Variants in TNPO2 observed in about 807,000 individuals in gnomAD.
TNPO2 encodes transportin-2.
In TNPO2, 16 loss-of-function variants were observed where a neutral mutation model predicts 111.1. The observed-to-expected ratio is 0.14, with a 90% CI of 0.10 to 0.22. The LOEUF (loss-of-function observed/expected upper bound fraction) is 0.22, where lower values mean the gene tolerates loss of function less well. Among genes scored for constraint, TNPO2 ranks in the 10% least tolerant of loss-of-function variants. The pLI is 1.00. For synonymous variants in TNPO2, 481 were observed against 475.8 expected, an observed-to-expected ratio of 1.01 and a Z score of -0.14; for missense variants, 530 against 1,173.7, an observed-to-expected ratio of 0.45 and a Z score of 8.01.
At chr19:12,703,391 A>G in intron 20 of TNPO2, 37 bp downstream of exon 20, 1 of 1,580,934 alleles carries the variant, frequency 6.3e-7, no homozygotes. Flanking sequence ...AGAACAGGCT[A>G]ATGGGGGGCG....
chr19:12,720,824 T>C (rs1331665750), intron 3 of TNPO2, 55 bp downstream of exon 3: 5 of 1,534,950 alleles, frequency 3.3e-6, no homozygotes, highest in Non-Finnish European at 4.4e-6. Context: ...CTCTGGCCTT[T>C]GGAAACTGCA....
Position 12,702,743 on chromosome 19 carries a change from T to C in TNPO2, c.2305+80A>G. On this transcript the variant is annotated intron_variant, in intron 21 of 25. Coordinates refer to ENST00000425528, the MANE Select transcript of TNPO2 (RefSeq NM_001382241.1). This position sits in a 1 kb window ranked among gnomAD's most constrained non-coding sequence, Gnocchi z 5.5. ...CTCCTTGGTTCCTTGACAAGGCTCT[T>C]TCTGATGCCCTTCCCAGCCCAGAAC... is the stretch of plus-strand genomic sequence containing the variant. 1 of 1,336,692 alleles carries C rather than the reference T, an allele frequency of 7.5e-7. No homozygotes were observed. The highest frequency in any genetic ancestry group is 1.1e-6 in the Non-Finnish European group (1 of 937,034). 82.8% of individuals were successfully genotyped at this position (1,336,692 alleles called of 1,614,324 possible). A position where few individuals can be genotyped will look rare whatever the true frequency, so the allele number is the denominator to read the frequency against.
chr19:12,702,392 TTTTTGTTTTG>T lies in TNPO2; in HGVS notation c.2306-225_2306-216del, dbSNP rs1201557384. On this transcript the variant is annotated intron_variant, in intron 21 of 25. Coordinates refer to ENST00000425528, the MANE Select transcript of TNPO2 (RefSeq NM_001382241.1). This position sits in a 1 kb window ranked among gnomAD's most constrained non-coding sequence, Gnocchi z 5.5. ...TTCCTTTCCCTTTCCTTTTTGTTTTTTTTTGTTTTGTTTTGTTTTTGAGATGGAGTCTTGC... is the reference window on the plus strand; with the variant it reads ...TTCCTTTCCCTTTCCTTTTTGTTTTTTTTTGTTTTTGAGATGGAGTCTTGC... The T allele has an allele frequency of 2.9e-6, 2 of 684,988 alleles. No individual in the cohort carries two copies. Among genetic ancestry groups the T allele is most frequent in the East Asian group, 2.8e-5 (1 of 36,270 alleles). 42.4% of individuals were successfully genotyped at this position (684,988 alleles called of 1,614,324 possible).
chr19:12,702,358 TTTC>T lies in TNPO2; in HGVS notation c.2306-184_2306-182del, dbSNP rs764780096. 3.8e-5 allele frequency: 26 copies of T among 693,318 alleles called. No individual in the cohort carries two copies. The highest frequency in any genetic ancestry group is 4.6e-4 in the Middle Eastern group (2 of 4,340). 42.9% of individuals were successfully genotyped at this position (693,318 alleles called of 1,614,324 possible). On this transcript the variant is annotated intron_variant, in intron 21 of 25. Transcript: ENST00000425528. This position sits in a 1 kb window ranked among gnomAD's most constrained non-coding sequence, Gnocchi z 5.5. ...CTTCCCAGGTCTCTCTGCATCTATC[TTTC>T]TTTCTTTCCTTTCCCTTTCCTTTTT...
chr19:12,701,445 G>A lies in TNPO2; in HGVS notation c.2595C>T (p.His865=), dbSNP rs749684278. The change falls in exon 25 of 26, where the codon CAC becomes CAT. Residue 865 remains histidine, a synonymous_variant. Transcript: ENST00000425528. The surrounding 1 kb of genome is among the most constrained non-coding windows in gnomAD (Gnocchi z 5.0). ...DLRDMFYKIL[H]GFKDQVGEDN... is the part of the protein sequence containing the mutation. ...CTTCCCCAACTTGGTCTTTGAAGCC[G>A]TGGAGAATCTGTGGGGAGGGTGGTG... 2.5e-5 allele frequency: 40 copies of A among 1,613,708 alleles called. No homozygotes were observed. Among genetic ancestry groups the A allele is most frequent in the African/African-American group, 2.0e-4 (15 of 74,880 alleles).
At position 12,699,233 on chromosome 19, in the gene TNPO2, T is replaced by G; in HGVS notation, c.*2031A>C. ...GAAACTGATCTTTACTCAACAAAGT[T>G]CTACACAAGTGGAATCTCACGCCAC... On this transcript the variant is annotated 3_prime_UTR_variant, in exon 26 of 26. Transcript: ENST00000425528. 2.3e-6 allele frequency: 1 copy of G among 438,400 alleles called. No homozygotes were observed. 27.2% of individuals were successfully genotyped at this position (438,400 alleles called of 1,614,324 possible). A position where few individuals can be genotyped will look rare whatever the true frequency, so the allele number is the denominator to read the frequency against.
chr19:12,707,232 C>T (rs1434291498), intron 13 of TNPO2, among the ~76,000 whole-genome samples: 6 of 152,128 alleles, frequency 3.9e-5, no homozygotes, highest in East Asian at 1.9e-4. Flanking sequence ...CTCCTGACCT[C>T]GTGATCCACC....
chr19:12,717,759 C>T lies in TNPO2; in HGVS notation c.325+1270G>A, dbSNP rs1040072158. 2.6e-5 allele frequency among the ~76,000 whole-genome samples: 4 copies of T among 152,154 alleles called. No homozygotes were observed. The East Asian group carries it at 7.7e-4, about 29-fold the overall frequency. On this transcript the variant is annotated intron_variant, in intron 5 of 25. Coordinates refer to ENST00000425528, the MANE Select transcript of TNPO2 (RefSeq NM_001382241.1). ...TGGCATTATCTTGGCTTACTGCAAC[C>T]TCTGCCTCCCGGGCTCAAGCAATTC...
At chr19:12,703,360 T>G in intron 20 of TNPO2, 68 bp downstream of exon 20, 2 of 1,461,268 alleles carry the variant, frequency 1.4e-6, no homozygotes, top group Non-Finnish European at 1.9e-6. Flanking sequence ...CAGTCAGAGC[T>G]AGGCTCCCGC....
rs754723804 is a variant in TNPO2 at position 12,706,253 on chromosome 19, G to A, written c.1611C>T (p.Ile537=). Residue 537 remains isoleucine, a synonymous_variant, in exon 15 of 26, where the codon ATC becomes ATT. Transcript: ENST00000425528. The surrounding 1 kb of genome is among the most constrained non-coding windows in gnomAD (Gnocchi z 7.0). ...CCAGGGTGCCAATGGCGTCATAGAGGATGAGCAGGTTCTTGTGCTGGTATT... is the reference window on the plus strand; with the variant it reads ...CCAGGGTGCCAATGGCGTCATAGAGAATGAGCAGGTTCTTGTGCTGGTATT... ...FGKYQHKNLL[I]LYDAIGTLAD... is the part of the protein sequence containing the mutation. The A allele has an allele frequency of 6.2e-7, 1 of 1,614,038 alleles. No homozygotes were observed. The highest frequency in any genetic ancestry group is 1.1e-5 in the South Asian group (1 of 91,088).
chr19:12,718,291 G>A (rs932728179), intron 5 of TNPO2, among the ~76,000 whole-genome samples: 1 of 151,908 alleles, frequency 6.6e-6, no homozygotes, highest in Non-Finnish European at 1.5e-5. Context: ...TCAGCCTCCC[G>A]AGTAGCTGGG....
chr19:12,703,026 C>G, intron 20 of TNPO2, 108 bp from the exon 21 acceptor site: 1 of 923,392 alleles, frequency 1.1e-6, no homozygotes, highest in Non-Finnish European at 1.7e-6. Flanking sequence ...AGAGACTGGC[C>G]AACCACTACC....
chr19:12,707,470 G>A (rs1302083764), intron 13 of TNPO2, among the ~76,000 whole-genome samples: 1 of 137,632 alleles, frequency 7.3e-6, no homozygotes, highest in Admixed American at 7.3e-5. Context: ...TAAGATGTTT[G>A]TGAGTTTTCT....
rs1435155282 is a variant in TNPO2 at position 12,706,441 on chromosome 19, G to A, written c.1497-74C>T. 1.1e-5 allele frequency: 18 copies of A among 1,590,872 alleles called. No individual in the cohort carries two copies. Among genetic ancestry groups the A allele is most frequent in the Admixed American group, 1.7e-5 (1 of 59,982 alleles). ...ACACTGGGCCATGGGCAGTTGGGGA[G>A]GGCAACTCAGGATCAGCCAGTACGA... On this transcript the variant is annotated intron_variant, in intron 14 of 25. Transcript: ENST00000425528. This position sits in a 1 kb window ranked among gnomAD's most constrained non-coding sequence, Gnocchi z 7.0.
Position 12,721,359 on chromosome 19 carries a change from C to A in TNPO2, c.-13-369G>T. 1 of 1,227,014 alleles carries A rather than the reference C, an allele frequency of 8.1e-7. No homozygotes were observed. The highest frequency in any genetic ancestry group is 1.1e-6 in the Non-Finnish European group (1 of 943,864). The allele number at this position is 1,227,014 out of a possible 1,614,324, so 76.0% of individuals were successfully genotyped here. Reference sequence around the variant, plus strand: ...CGCAGCGGCTGGGCGAGGGCCCAGCCGCCTCCACATCCAGGGGCCCCGCCC... The same window carrying A: ...CGCAGCGGCTGGGCGAGGGCCCAGCAGCCTCCACATCCAGGGGCCCCGCCC... On this transcript the variant is annotated intron_variant, in intron 2 of 25. Coordinates refer to ENST00000425528, the MANE Select transcript of TNPO2 (RefSeq NM_001382241.1). This position sits in a 1 kb window ranked among gnomAD's most constrained non-coding sequence, Gnocchi z 4.9.
Position 12,702,047 on chromosome 19 carries a change from G to A in TNPO2, c.2411+25C>T. On this transcript the variant is annotated intron_variant, in intron 22 of 25. Coordinates refer to ENST00000425528, the MANE Select transcript of TNPO2 (RefSeq NM_001382241.1). The surrounding 1 kb of genome is among the most constrained non-coding windows in gnomAD (Gnocchi z 5.5). Reference sequence around the variant, plus strand: ...TTGGGCCAGTCCCGCCCACCACACAGCAGGCTTGACACGTGGACACACACC... The same window carrying A: ...TTGGGCCAGTCCCGCCCACCACACAACAGGCTTGACACGTGGACACACACC... 6.2e-7 allele frequency: 1 copy of A among 1,607,614 alleles called. No individual in the cohort carries two copies.
intron 5 of TNPO2, among the ~76,000 whole-genome samples, chr19:12,717,421 G>A (rs2026425675): frequency 6.7e-6 from 1 of 149,824 alleles, no homozygotes; most frequent in South Asian, 2.1e-4. Context: ...ACAGGTGCCC[G>A]CTGCCACACT....
intron 13 of TNPO2, among the ~76,000 whole-genome samples, chr19:12,709,210 A>C (rs1234510919): frequency 1.3e-5 from 2 of 151,328 alleles, no homozygotes; most frequent in African/African-American, 2.4e-5. Flanking sequence ...AAATACAAAA[A>C]AATTAGCTGG....
In TNPO2 at chr19:12,715,358, C is replaced by G; in HGVS notation, c.567-34G>C. 1 of 1,613,880 alleles carries G rather than the reference C, an allele frequency of 6.2e-7. No individual in the cohort carries two copies. Among genetic ancestry groups the G allele is most frequent in the Non-Finnish European group, 8.5e-7 (1 of 1,179,850 alleles). On this transcript the variant is annotated intron_variant, in intron 7 of 25. Transcript: ENST00000425528. This position sits in a 1 kb window ranked among gnomAD's most constrained non-coding sequence, Gnocchi z 7.1. ...GAGCAGACACGTGGGTCACCCTGACCCTGCCCACTCCAGGCTCCCTGGAAG... is the reference window on the plus strand; with the variant it reads ...GAGCAGACACGTGGGTCACCCTGACGCTGCCCACTCCAGGCTCCCTGGAAG...
Sources: gnomAD v4.1 joint callset for allele counts (sites outside exome capture counted in the v4.1 genomes callset) on GRCh38, gnomAD v4.1.1 for gene constraint, Gnocchi (gnomAD v3.1) non-coding constraint, MANE v1.5 for transcripts, NCBI Gene and HGNC (gene_info 2026-07-23, HGNC 2026-07-21) for gene names.